The following SH3TC2 variants were observed in gnomAD, a reference collection of about 807,000 sequenced individuals.
SH3TC2 encodes the protein SH3 domain and tetratricopeptide repeat-containing protein 2.
A neutral mutation model predicts 124.5 loss-of-function variants in SH3TC2; 87 were observed. The observed-to-expected ratio is 0.70, with a 90% confidence interval of 0.59 to 0.84. The LOEUF is 0.84. Ranked by LOEUF, SH3TC2 falls within the 40% of genes least tolerant of loss-of-function variation. The probability of loss-of-function intolerance (pLI) is 0.00; values close to 1 mark genes in which losing one functional copy is unlikely to be tolerated. For missense variants in SH3TC2, 1,536 were observed against 1,566.4 expected (o/e 0.98, Z 0.33); for synonymous variants, 634 against 628.5 (o/e 1.01, Z -0.13).
chr5:149,057,317 C>T (rs778395756), intron 1 of SH3TC2, among the ~76,000 whole-genome samples: 4 of 152,146 alleles, frequency 2.6e-5, no homozygotes, highest in South Asian at 2.1e-4. Flanking sequence ...TCATTGGGAA[C>T]ATTTCCATAC....
In SH3TC2 at chr5:148,987,821, G is replaced by C. The variant is rs1580876157; in HGVS notation, c.*16890C>G. 3.4e-5 allele frequency among the ~76,000 whole-genome samples: 5 copies of C among 148,918 alleles called. No homozygotes were observed. The South Asian group carries it at 1.1e-3, about 32-fold the overall frequency. On this transcript the variant is annotated 3_prime_UTR_variant, in exon 17 of 17. Transcript: ENST00000515425. ...CCTCATTCAAAATCTGTGTGTGTGTGTGTGTGTGTGTGTGTGTGTGTGTGT... is the reference window on the plus strand; with the variant it reads ...CCTCATTCAAAATCTGTGTGTGTGTCTGTGTGTGTGTGTGTGTGTGTGTGT...
intron 1 of SH3TC2, among the ~76,000 whole-genome samples, chr5:149,059,431 C>T (rs1330660697): frequency 1.3e-5 from 2 of 152,116 alleles, no homozygotes; most frequent in East Asian, 1.9e-4. Flanking sequence ...CCACCCACCA[C>T]CATGCTCAAC....
At position 149,044,378 on chromosome 5, in the gene SH3TC2, T is replaced by C. The variant is rs945890281; in HGVS notation, c.385+155A>G. 2.9e-5 allele frequency: 19 copies of C among 645,190 alleles called. No homozygotes were observed. In the African/African-American group the frequency reaches 3.3e-4, roughly 11 times the overall value. 40.0% of individuals were successfully genotyped at this position (645,190 alleles called of 1,614,324 possible). On this transcript the variant is annotated intron_variant, in intron 4 of 16. Transcript: ENST00000515425. ...AGTTAATATTTGCCTTAGATTTAGTTTGAGGCACTTTGTGAAATTTCAAAA... is the reference window on the plus strand; with the variant it reads ...AGTTAATATTTGCCTTAGATTTAGTCTGAGGCACTTTGTGAAATTTCAAAA...
At chr5:149,037,124 T>G (rs985084141) in intron 8 of SH3TC2, among the ~76,000 whole-genome samples, 1 of 152,200 alleles carries the variant, frequency 6.6e-6, no homozygotes, top group Admixed American at 6.5e-5. Flanking sequence ...GACCCACCTT[T>G]GCTGCACCAG....
intron 1 of SH3TC2, among the ~76,000 whole-genome samples, chr5:149,059,507 C>T (rs1271368681): frequency 1.3e-5 from 2 of 151,404 alleles, no homozygotes; most frequent in Non-Finnish European, 1.5e-5. Context: ...CCCACATTTT[C>T]TTTTCTTTTT....
intron 7 of SH3TC2, 48 bp from the exon 8 acceptor site, chr5:149,038,538 A>C: frequency 1.3e-6 from 2 of 1,586,576 alleles, no homozygotes; most frequent in Non-Finnish European, 1.7e-6. Context: ...TGAACAGCTG[A>C]GCCTCCCATC....
chr5:149,008,826 A>C (rs772957701), intron 15 of SH3TC2, 25 bp downstream of exon 15: 3 of 1,613,530 alleles, frequency 1.9e-6, no homozygotes, highest in South Asian at 1.1e-5. Context: ...CTCATTCAAC[A>C]CACCCAATAG....
Position 149,034,437 on chromosome 5 carries a change from G to C in SH3TC2, c.1002-2750C>G, listed in dbSNP as rs1287944161. ...AGAGACTAAAAAGAACGAGAGAGAGGCAATATTCAAAGGAAGAAGGACTGA... is the reference window on the plus strand; with the variant it reads ...AGAGACTAAAAAGAACGAGAGAGAGCCAATATTCAAAGGAAGAAGGACTGA... On this transcript the variant is annotated intron_variant, in intron 8 of 16. Coordinates refer to ENST00000515425, the MANE Select transcript of SH3TC2 (RefSeq NM_024577.4). 8.0e-6 allele frequency: 3 copies of C among 375,804 alleles called. No individual in the cohort carries two copies. The East Asian group carries it at 2.7e-4, about 34-fold the overall frequency. 23.3% of individuals were successfully genotyped at this position (375,804 alleles called of 1,614,324 possible).
chr5:149,031,154 C>G (rs906160578), intron 9 of SH3TC2, among the ~76,000 whole-genome samples: 26 of 152,158 alleles, frequency 1.7e-4, no homozygotes, highest in African/African-American at 6.3e-4. Flanking sequence ...TAATGTGAGA[C>G]AAGAAATCAT....
rs898398756 is a variant in SH3TC2 at position 148,993,905 on chromosome 5, C to T, written c.*10806G>A. 6.6e-6 allele frequency among the ~76,000 whole-genome samples: 1 copy of T among 152,226 alleles called. No individual in the cohort carries two copies. Among genetic ancestry groups the T allele is most frequent in the Non-Finnish European group, 1.5e-5 (1 of 68,042 alleles). ...AACACAATAACAATAATAGCCAACA[C>T]TTATATAACATGGGCCAGGCACTTT... On this transcript the variant is annotated 3_prime_UTR_variant, in exon 17 of 17. Coordinates refer to ENST00000515425, the MANE Select transcript of SH3TC2 (RefSeq NM_024577.4).
chr5:149,027,972 T>A lies in SH3TC2; in HGVS notation c.1760A>T (p.Lys587Ile). Reference sequence around the variant, plus strand: ...TGCCTTTTCCAACAGGGCGGAGCCTTTATGTCTCAGCCTCTGTTTCAGGTA... The same window carrying A: ...TGCCTTTTCCAACAGGGCGGAGCCTATATGTCTCAGCCTCTGTTTCAGGTA... Reference protein sequence around the residue: ...AIYLKQRLRHKGSALLEKAGA... With the variant: ...AIYLKQRLRHIGSALLEKAGA... The change falls in exon 11 of 17, where the codon AAA becomes ATA. Residue 587 changes from lysine (K) to isoleucine (I), a missense_variant. By Grantham distance (102) the Lys-to-Ile change is moderately radical (BLOSUM62 -3). Around this residue, in one of 3 missense-constraint regions of SH3TC2, gnomAD observed 1,102 missense variants for 1,098.6 expected, o/e 1.00. Transcript: ENST00000515425. The A allele has an allele frequency of 6.2e-7, 1 of 1,614,150 alleles. No individual in the cohort carries two copies. The highest frequency in any genetic ancestry group is 8.5e-7 in the Non-Finnish European group (1 of 1,180,038).
rs967027103 is a variant in SH3TC2 at position 149,058,829 on chromosome 5, T to G, written c.52+4142A>C. On this transcript the variant is annotated intron_variant, in intron 1 of 16. Transcript: ENST00000515425. ...TGTTTAGAATGGATACAGTAAGCGA[T>G]GGTGAGGTGTGAAATATTCTTGAGC... 3.3e-5 allele frequency among the ~76,000 whole-genome samples: 5 copies of G among 152,144 alleles called. No homozygotes were observed. The East Asian group carries it at 9.7e-4, about 29-fold the overall frequency.
chr5:149,060,032 TC>T (rs1258146529), intron 1 of SH3TC2, among the ~76,000 whole-genome samples: 4 of 152,244 alleles, frequency 2.6e-5, no homozygotes, highest in Non-Finnish European at 5.9e-5. Flanking sequence ...TTTACTATTA[TC>T]AGCATTCACC....
rs760462697 is a variant in SH3TC2, at chr5:149,027,143, C to A, written c.2589G>T (p.Leu863Phe). 6.2e-7 allele frequency: 1 copy of A among 1,614,176 alleles called. No individual in the cohort carries two copies. The highest frequency in any genetic ancestry group is 1.7e-5 in the Admixed American group (1 of 60,030). Reference protein sequence around the residue: ...NRAAKSYLRALNRAQEVGDVH... With the variant: ...NRAAKSYLRAFNRAQEVGDVH... ...CATCTCCCACCTCCTGGGCTCTGTT[C>A]AAGGCCCGAAGATAGCTCTTGGCTG... Residue 863 changes from leucine (L) to phenylalanine (F), a missense_variant, in exon 11 of 17, where the codon TTG becomes TTT. Physicochemically the swap from Leu to Phe is conservative, Grantham distance 22. Coordinates refer to ENST00000515425, the MANE Select transcript of SH3TC2 (RefSeq NM_024577.4).
chr5:149,008,152 T>C (rs1753723046), intron 15 of SH3TC2: 1 of 154,426 alleles, frequency 6.5e-6, no homozygotes, highest in Non-Finnish European at 1.4e-5. Flanking sequence ...CAGAAGACCC[T>C]CCTGGAATCA....
At chr5:149,016,752 C>T (rs538745839) in intron 12 of SH3TC2, among the ~76,000 whole-genome samples, 4 of 151,796 alleles carry the variant, frequency 2.6e-5, no homozygotes, top group African/African-American at 2.4e-5. Context: ...GGTGAAACCC[C>T]GTCTCTACTA....
intron 8 of SH3TC2, among the ~76,000 whole-genome samples, chr5:149,034,058 A>G (rs775385695): frequency 2.0e-5 from 3 of 152,224 alleles, no homozygotes; most frequent in Non-Finnish European, 4.4e-5. Context: ...AGAAATGACA[A>G]TAATCTGAAG....
At chr5:149,006,599 A>T (rs1190224550) in intron 16 of SH3TC2, among the ~76,000 whole-genome samples, 1 of 152,116 alleles carries the variant, frequency 6.6e-6, no homozygotes, top group African/African-American at 2.4e-5. Context: ...GTAGTATCTG[A>T]CAGATAAAGA....
chr5:149,047,460 G>T, intron 3 of SH3TC2: 1 of 255,472 alleles, frequency 3.9e-6, no homozygotes, highest in Non-Finnish European at 7.8e-6. Context: ...CTTAAAAAAT[G>T]ATTAAAATGG....
Sources: gnomAD v4.1 joint callset for allele counts (sites outside exome capture counted in the v4.1 genomes callset) on GRCh38, gnomAD v4.1.1 for gene constraint, gnomAD v4.1.1 regional missense constraint, MANE v1.5 for transcripts, NCBI Gene and HGNC (gene_info 2026-07-23, HGNC 2026-07-21) for gene names.